The following RBMS3 variants were observed in gnomAD, a reference collection of about 807,000 sequenced individuals.
The protein encoded by RBMS3 is RNA binding motif single stranded interacting protein 3, also known as RNA-binding motif, single-stranded-interacting protein 3.
Under a neutral mutation model 66.8 loss-of-function variants are expected in RBMS3, and 27 were observed. That is an observed-to-expected ratio of 0.40 (90% CI 0.30 to 0.56). RBMS3 has a LOEUF of 0.56. Among genes scored for constraint, RBMS3 ranks in the 20% least tolerant of loss-of-function variants. RBMS3 has a pLI of 0.40. For synonymous variants in RBMS3, 188 were observed against 183.0 expected (o/e 1.03, Z -0.22); for missense variants, 513 against 549.5 (o/e 0.93, Z 0.66).
chr3:29,532,242 A>ATG (rs1430069799), intron 3 of RBMS3, among the ~76,000 whole-genome samples: 1 of 76,266 alleles, frequency 1.3e-5, no homozygotes, highest in Admixed American at 1.3e-4. Context: ...TTTCGCATAT[A>ATG]TATGTATATA....
intron 1 of RBMS3, among the ~76,000 whole-genome samples, chr3:29,354,719 C>T (rs1284186212): frequency 6.6e-6 from 1 of 152,030 alleles, no homozygotes; most frequent in Non-Finnish European, 1.5e-5. Context: ...CATTCATTGC[C>T]AACATCAGGA....
At chr3:29,836,801 A>ATG (rs1553682700) in intron 6 of RBMS3, among the ~76,000 whole-genome samples, 1 of 151,270 alleles carries the variant, frequency 6.6e-6, no homozygotes, top group African/African-American at 2.4e-5. Flanking sequence ...ATATATATAT[A>ATG]TCTGAAAACA....
intron 6 of RBMS3, among the ~76,000 whole-genome samples, chr3:29,847,031 G>A (rs915887247): frequency 6.6e-6 from 1 of 152,086 alleles, no homozygotes; most frequent in African/African-American, 2.4e-5. Flanking sequence ...GCGCCATATC[G>A]CATGATACAC....
chr3:29,888,608 A>G (rs923910219), intron 8 of RBMS3, among the ~76,000 whole-genome samples: 3 of 151,722 alleles, frequency 2.0e-5, no homozygotes, highest in African/African-American at 7.3e-5. Flanking sequence ...TCAGAGATCA[A>G]TGACCTGTGG....
chr3:29,742,552 C>T (rs1432090160), intron 5 of RBMS3, among the ~76,000 whole-genome samples: 2 of 152,190 alleles, frequency 1.3e-5, no homozygotes, highest in East Asian at 1.9e-4. Context: ...AACATCTTTT[C>T]TTCAAAGAAT....
At chr3:29,555,134 T>C (rs1229042165) in intron 3 of RBMS3, among the ~76,000 whole-genome samples, 2 of 152,190 alleles carry the variant, frequency 1.3e-5, no homozygotes, top group Non-Finnish European at 2.9e-5. Flanking sequence ...CTATTTAAAA[T>C]TATACATTTG....
intron 1 of RBMS3, among the ~76,000 whole-genome samples, chr3:29,431,296 C>CTTTTT (rs1375213536): frequency 1.1e-5 from 1 of 94,772 alleles, no homozygotes; most frequent in East Asian, 3.9e-4. Context: ...TTTCTTTTTC[C>CTTTTT]TTTTCTTTTT....
chr3:29,951,249 G>A (rs60822932), intron 12 of RBMS3, among the ~76,000 whole-genome samples: 2,048 of 151,936 alleles, frequency 0.013, 62 homozygotes, highest in African/African-American at 0.047. Context: ...AGACGATTTT[G>A]ATTGTGTGTT....
intron 11 of RBMS3, among the ~76,000 whole-genome samples, chr3:29,938,559 C>T (rs1559819570): frequency 2.0e-5 from 3 of 151,896 alleles, no homozygotes; most frequent in Admixed American, 1.3e-4. Flanking sequence ...TGGTTGGTGT[C>T]CAGAATATTG....
chr3:29,357,216 AG>A (rs2037276295), intron 1 of RBMS3, among the ~76,000 whole-genome samples: 1 of 151,516 alleles, frequency 6.6e-6, no homozygotes, highest in East Asian at 1.9e-4. Flanking sequence ...ACCCCACAAC[AG>A]GCCCCGGTGT....
At chr3:29,654,250 T>C (rs2050242879) in intron 4 of RBMS3, among the ~76,000 whole-genome samples, 1 of 152,186 alleles carries the variant, frequency 6.6e-6, no homozygotes, top group Non-Finnish European at 1.5e-5. Context: ...ACCTGGAATA[T>C]AGTAGGGAGA....
At chr3:29,978,010 G>A (rs959685123) in intron 12 of RBMS3, among the ~76,000 whole-genome samples, 19 of 152,148 alleles carry the variant, frequency 1.2e-4, no homozygotes, top group African/African-American at 3.1e-4. Context: ...ATCACAGGTC[G>A]TTCTCTTAGT....
rs534522832 is a variant in RBMS3, at chr3:29,284,335, A to G, written c.75+2579A>G. On this transcript the variant is annotated intron_variant, in intron 1 of 14. Coordinates refer to ENST00000383767, the MANE Select transcript of RBMS3 (RefSeq NM_001003793.3). ...ATTGAGGTAGGTTTTCTTCCTGCCAATCCACAAGGGCTATTTACTATCATT... is the reference window on the plus strand; with the variant it reads ...ATTGAGGTAGGTTTTCTTCCTGCCAGTCCACAAGGGCTATTTACTATCATT... Among the ~76,000 whole-genome samples the G allele has an allele frequency of 1.9e-3, 291 of 152,242 alleles. 1 individual carries two copies. Among genetic ancestry groups the G allele is most frequent in the African/African-American group, 6.6e-3 (276 of 41,566 alleles).
chr3:29,410,454 G>A (rs959061770), intron 1 of RBMS3, among the ~76,000 whole-genome samples: 1 of 152,134 alleles, frequency 6.6e-6, no homozygotes, highest in Non-Finnish European at 1.5e-5. Context: ...AGGCAAGGAA[G>A]CCCATCTGTT....
intron 4 of RBMS3, among the ~76,000 whole-genome samples, chr3:29,719,753 A>G (rs2053563089): frequency 3.3e-5 from 5 of 152,134 alleles, no homozygotes; most frequent in Admixed American, 6.6e-5. Context: ...CAAATTCCTC[A>G]AATTCTGTGC....
chr3:29,673,931 C>G (rs1254942597), intron 4 of RBMS3, among the ~76,000 whole-genome samples: 1 of 152,100 alleles, frequency 6.6e-6, no homozygotes, highest in Non-Finnish European at 1.5e-5. Context: ...GATACCAAAG[C>G]CTGGCAGAGA....
At chr3:29,410,407 G>A (rs1400191645) in intron 1 of RBMS3, among the ~76,000 whole-genome samples, 1 of 152,154 alleles carries the variant, frequency 6.6e-6, no homozygotes, top group Admixed American at 6.5e-5. Context: ...CTGACAGCTA[G>A]TATGCAAATT....
chr3:29,861,197 C>T (rs1286143603), intron 6 of RBMS3, among the ~76,000 whole-genome samples: 1 of 152,096 alleles, frequency 6.6e-6, no homozygotes, highest in Non-Finnish European at 1.5e-5. Context: ...AACATTTTAA[C>T]TTTTAGTTTT....
intron 4 of RBMS3, among the ~76,000 whole-genome samples, chr3:29,650,279 C>CTTTTTTTT (rs560594950): frequency 2.9e-4 from 28 of 96,206 alleles, no homozygotes; most frequent in East Asian, 8.8e-4. Flanking sequence ...TCCTTTCTTT[C>CTTTTTTTT]TTTTTTTTTT....
Sources: gnomAD v4.1 joint callset for allele counts (sites outside exome capture counted in the v4.1 genomes callset) on GRCh38, gnomAD v4.1.1 for gene constraint, MANE v1.5 for transcripts, NCBI Gene and HGNC (gene_info 2026-07-23, HGNC 2026-07-21) for gene names.